The following ARMC7 variants were observed in gnomAD, a reference collection of about 807,000 sequenced individuals.
The protein encoded by ARMC7 is armadillo repeat-containing protein 7.
Under a neutral mutation model 14.8 loss-of-function variants are expected in ARMC7, and 9 were observed. The ratio of observed to expected loss-of-function variants is 0.61; its 90% CI spans 0.37 to 1.06. The LOEUF (loss-of-function observed/expected upper bound fraction) is 1.06, where lower values mean the gene tolerates loss of function less well. ARMC7 is among the 50% of genes least tolerant of loss of function. The probability of loss-of-function intolerance (pLI) is 0.01; values close to 1 mark genes in which losing one functional copy is unlikely to be tolerated. For synonymous variants in ARMC7, 125 were observed against 123.4 expected, an observed-to-expected ratio of 1.01 and a Z score of -0.09; for missense variants, 262 against 267.1, an observed-to-expected ratio of 0.98 and a Z score of 0.13.
chr17:75,116,608 A>T (rs1350719235), intron 2 of ARMC7, among the ~76,000 whole-genome samples: 1 of 152,174 alleles, frequency 6.6e-6, no homozygotes, highest in African/African-American at 2.4e-5. Context: ...CTGGGCAACA[A>T]GAGTGAAACT....
chr17:75,120,387 G>C (rs1321758157), intron 2 of ARMC7, among the ~76,000 whole-genome samples: 6 of 152,106 alleles, frequency 3.9e-5, no homozygotes, highest in Non-Finnish European at 5.9e-5. Flanking sequence ...CAGGGTTCTC[G>C]TGTAGAGTTC....
At chr17:75,118,375 C>T (rs2073987876) in intron 2 of ARMC7, among the ~76,000 whole-genome samples, 1 of 152,186 alleles carries the variant, frequency 6.6e-6, no homozygotes, top group Non-Finnish European at 1.5e-5. Flanking sequence ...GCCAGGGCTT[C>T]AGTCTGGCCT....
intron 2 of ARMC7, among the ~76,000 whole-genome samples, chr17:75,119,626 A>ATT (rs71159437): frequency 7.0e-6 from 1 of 142,322 alleles, no homozygotes; most frequent in African/African-American, 2.6e-5. Flanking sequence ...TTTTTTTTGT[A>ATT]TTTTTTTTTT....
At chr17:75,112,573 C>CTTTTTTTTTT (rs549730217) in intron 2 of ARMC7, among the ~76,000 whole-genome samples, 9 of 100,460 alleles carry the variant, frequency 9.0e-5, no homozygotes, top group African/African-American at 2.1e-4. Context: ...TTCTCTTTTT[C>CTTTTTTTTTT]TTTTTTTTTT....
rs1450857864 is a variant in ARMC7 at position 75,110,617 on chromosome 17, G to T, written c.235+11G>T. Reference sequence around the variant, plus strand: ...TGGAGTTTGCTATTGGTAAGGGCGGGGCCCGTTCCCTAGATGCCTAAATGG... The same window carrying T: ...TGGAGTTTGCTATTGGTAAGGGCGGTGCCCGTTCCCTAGATGCCTAAATGG... On this transcript the variant is annotated intron_variant, in intron 2 of 2. Transcript: ENST00000245543. The T allele has an allele frequency of 6.2e-7, 1 of 1,614,032 alleles. No individual in the cohort carries two copies. Among genetic ancestry groups the T allele is most frequent in the Admixed American group, 1.7e-5 (1 of 59,976 alleles).
At chr17:75,113,169 G>A (rs1349608363) in intron 2 of ARMC7, among the ~76,000 whole-genome samples, 4 of 150,956 alleles carry the variant, frequency 2.6e-5, no homozygotes, top group Non-Finnish European at 5.9e-5. Flanking sequence ...GATTATAGGC[G>A]CCCGCCACCA....
At position 75,128,299 on chromosome 17, in the gene ARMC7, G is replaced by A. The variant is rs77087725; in HGVS notation, c.236-378G>A. On this transcript the variant is annotated intron_variant, in intron 2 of 2. Coordinates refer to ENST00000245543, the MANE Select transcript of ARMC7 (RefSeq NM_024585.4). ...TGTTGGCCAGGCTGGTCTCGGACTC[G>A]TGACCTCAGGTGATCCACTCACTTC... Among the ~76,000 whole-genome samples, 1,209 of 152,144 alleles carry A rather than the reference G, an allele frequency of 7.9e-3. 19 individuals carry two copies. Among genetic ancestry groups the A allele is most frequent in the African/African-American group, 0.027 (1,102 of 41,490 alleles).
At position 75,128,502 on chromosome 17, in the gene ARMC7, C is replaced by T. The variant is rs554821213; in HGVS notation, c.236-175C>T. On this transcript the variant is annotated intron_variant, in intron 2 of 2. Coordinates refer to ENST00000245543, the MANE Select transcript of ARMC7 (RefSeq NM_024585.4). Reference sequence around the variant, plus strand: ...AAGGGTGGGCTGTGGCAGGCTGGAGCAGGCAGGCAGGCCTTTCTGGAAACT... The same window carrying T: ...AAGGGTGGGCTGTGGCAGGCTGGAGTAGGCAGGCAGGCCTTTCTGGAAACT... Among the ~76,000 whole-genome samples the T allele has an allele frequency of 3.2e-4, 49 of 152,292 alleles. 1 individual carries two copies. The highest frequency in any genetic ancestry group is 3.4e-3 in the Middle Eastern group (1 of 294).
intron 2 of ARMC7, among the ~76,000 whole-genome samples, chr17:75,127,870 C>T (rs2145136491): frequency 6.6e-6 from 1 of 152,324 alleles, no homozygotes; most frequent in Admixed American, 6.5e-5. Context: ...ACTGGAATTA[C>T]AGGTGTGAGC....
intron 2 of ARMC7, among the ~76,000 whole-genome samples, chr17:75,120,672 G>A (rs1398707376): frequency 1.3e-5 from 2 of 151,918 alleles, no homozygotes; most frequent in South Asian, 2.1e-4. Context: ...AAATTAGCTG[G>A]GCATGGTGGC....
At chr17:75,120,407 C>T (rs368493326) in intron 2 of ARMC7, among the ~76,000 whole-genome samples, 2 of 152,210 alleles carry the variant, frequency 1.3e-5, no homozygotes, top group African/African-American at 4.8e-5. Context: ...CCTGTGTGTC[C>T]TGATGTCTGG....
intron 2 of ARMC7, among the ~76,000 whole-genome samples, chr17:75,128,287 G>A (rs1178061096): frequency 6.6e-6 from 1 of 152,130 alleles, no homozygotes; most frequent in East Asian, 1.9e-4. Context: ...TGGCCAGGCT[G>A]GTCTCGGACT....
At position 75,110,275 on chromosome 17, in the gene ARMC7, C is replaced by T. The variant is rs199703778; in HGVS notation, c.-14C>T. The T allele has an allele frequency of 1.2e-5, 19 of 1,602,032 alleles. No individual in the cohort carries two copies. Among genetic ancestry groups the T allele is most frequent in the East Asian group, 6.7e-5 (3 of 44,712 alleles). Reference sequence around the variant, plus strand: ...CCTCCCGCCCGTCCCTGGGGGTCCTCCGTCACCGCGGCCATGGCCCAGAAG... The same window carrying T: ...CCTCCCGCCCGTCCCTGGGGGTCCTTCGTCACCGCGGCCATGGCCCAGAAG... On this transcript the variant is annotated 5_prime_UTR_variant, in exon 1 of 3. Coordinates refer to ENST00000245543, the MANE Select transcript of ARMC7 (RefSeq NM_024585.4).
chr17:75,127,270 T>C (rs1388626057), intron 2 of ARMC7, among the ~76,000 whole-genome samples: 2 of 152,158 alleles, frequency 1.3e-5, no homozygotes, highest in African/African-American at 4.8e-5. Context: ...CTTACATATA[T>C]TCACATATTT....
rs965283746 is a variant in ARMC7 at position 75,129,223 on chromosome 17, C to G, written c.*185C>G. On this transcript the variant is annotated 3_prime_UTR_variant, in exon 3 of 3. Coordinates refer to ENST00000245543, the MANE Select transcript of ARMC7 (RefSeq NM_024585.4). ...CACTGGGAGTGAGGAAGCCAGACTC[C>G]AGAGACACGGAGAAGATCAAACTGG... 7 of 825,372 alleles carry G rather than the reference C, an allele frequency of 8.5e-6. No homozygotes were observed. In the East Asian group the frequency reaches 1.4e-4, roughly 16 times the overall value. The allele number at this position is 825,372 out of a possible 1,614,324, so 51.1% of individuals were successfully genotyped here. A position where few individuals can be genotyped will look rare whatever the true frequency, so the allele number is the denominator to read the frequency against.
At chr17:75,110,953 C>CAAA (rs537195116) in intron 2 of ARMC7, among the ~76,000 whole-genome samples, 126 of 49,466 alleles carry the variant, frequency 2.5e-3, no homozygotes, top group African/African-American at 4.0e-3. Context: ...GACCCCGTCT[C>CAAA]AAAAAAAAAA....
rs770276810 is a variant in ARMC7 at position 75,110,250 on chromosome 17, C to T, written c.-39C>T. 6.5e-7 allele frequency: 1 copy of T among 1,533,310 alleles called. No individual in the cohort carries two copies. Among genetic ancestry groups the T allele is most frequent in the Admixed American group, 2.0e-5 (1 of 50,500 alleles). 95.0% of individuals were successfully genotyped at this position (1,533,310 alleles called of 1,614,324 possible). On this transcript the variant is annotated 5_prime_UTR_variant, in exon 1 of 3. Transcript: ENST00000245543. ...GGCTTTCCCCCTGCACCTTTCCCAC[C>T]CTCCCGCCCGTCCCTGGGGGTCCTC...
At chr17:75,117,225 C>T (rs974381668) in intron 2 of ARMC7, among the ~76,000 whole-genome samples, 3 of 152,056 alleles carry the variant, frequency 2.0e-5, no homozygotes, top group African/African-American at 7.2e-5. Flanking sequence ...TACAAGCACC[C>T]GCCACCACAC....
rs141435601 is a variant in ARMC7 at position 75,119,543 on chromosome 17, G to C, written c.235+8937G>C. The stretch of plus-strand genomic sequence containing the variant: ...GACTCACTGCAAGCTCCGCCTCCCG[G>C]GTTCACGCCATTCTCCTGCCTCAGC... On this transcript the variant is annotated intron_variant, in intron 2 of 2. Coordinates refer to ENST00000245543, the MANE Select transcript of ARMC7 (RefSeq NM_024585.4). Among the ~76,000 whole-genome samples the C allele has an allele frequency of 9.7e-4, 146 of 150,216 alleles. 2 individuals carry two copies. The highest frequency in any genetic ancestry group is 3.5e-3 in the African/African-American group (144 of 40,860).
Sources: allele counts gnomAD v4.1 joint callset (sites outside exome capture counted in the v4.1 genomes callset), GRCh38; gene constraint gnomAD v4.1.1; transcripts MANE v1.5; gene names NCBI Gene and HGNC (gene_info 2026-07-23, HGNC 2026-07-21).